LINGO2: variants seen among roughly 807,000 people sequenced by gnomAD.
LINGO2 encodes the protein leucine rich repeat and Ig domain containing 2, also known as leucine-rich repeat and immunoglobulin-like domain-containing nogo receptor-interacting protein 2.
Under a neutral mutation model 30.6 loss-of-function variants are expected in LINGO2, and 14 were observed. The observed-to-expected ratio is 0.46, with a 90% CI of 0.30 to 0.72. The LOEUF is 0.72. LINGO2 is among the 30% of genes least tolerant of loss of function. The pLI, the probability that LINGO2 is intolerant of heterozygous loss-of-function variation, is 0.07. For synonymous variants in LINGO2, 317 were observed against 288.5 expected (o/e 1.10, Z -1.00); for missense variants, 729 against 751.7 (o/e 0.97, Z 0.35).
At chr9:28,345,482 A>G (rs1451026082) in intron 3 of LINGO2, among the ~76,000 whole-genome samples, 2 of 152,150 alleles carry the variant, frequency 1.3e-5, no homozygotes, top group Non-Finnish European at 2.9e-5. Flanking sequence ...GCAGCTTTAT[A>G]TCAAACTAGC....
At chr9:28,659,435 T>C (rs916610201) in intron 1 of LINGO2, among the ~76,000 whole-genome samples, 3 of 152,000 alleles carry the variant, frequency 2.0e-5, no homozygotes, top group African/African-American at 4.8e-5. Context: ...AGCTGACTTA[T>C]ATACTTTTTT....
At chr9:29,027,041 T>C in the LINGO2 span, among the ~76,000 whole-genome samples, 1 of 152,328 alleles carries the variant, frequency 6.6e-6, no homozygotes, top group South Asian at 2.1e-4. Flanking sequence ...AAAGGTGAAA[T>C]GTTATTTCAC....
intron 4 of LINGO2, among the ~76,000 whole-genome samples, chr9:28,145,164 G>A (rs1400602643): frequency 6.6e-6 from 1 of 152,148 alleles, no homozygotes; most frequent in Admixed American, 6.5e-5. Flanking sequence ...AGTAAGAAAT[G>A]TTCTGCTCTT....
the LINGO2 span, among the ~76,000 whole-genome samples, chr9:28,739,636 A>C: frequency 6.6e-6 from 1 of 151,852 alleles, no homozygotes; most frequent in Admixed American, 6.6e-5. Flanking sequence ...TCTAATAAAT[A>C]ATATACCACT....
At chr9:28,064,429 G>C (rs531450801) in intron 4 of LINGO2, among the ~76,000 whole-genome samples, 2 of 152,134 alleles carry the variant, frequency 1.3e-5, no homozygotes, top group African/African-American at 2.4e-5. Context: ...CTGCATTGAC[G>C]AACCAGCTGG....
intron 2 of LINGO2, among the ~76,000 whole-genome samples, chr9:28,395,978 T>TA (rs1209701735): frequency 6.6e-6 from 1 of 152,226 alleles, no homozygotes; most frequent in East Asian, 1.9e-4. Context: ...TTGTCTTGGT[T>TA]AAAAAAATGT....
intron 3 of LINGO2, among the ~76,000 whole-genome samples, chr9:28,297,222 A>G (rs1270274202): frequency 6.6e-6 from 1 of 152,214 alleles, no homozygotes; most frequent in Non-Finnish European, 1.5e-5. Context: ...ATAAGTCAGT[A>G]TAACTACTTG....
At position 28,483,627 on chromosome 9, in the gene LINGO2, TG is replaced by T. The variant is rs1466358678; in HGVS notation, c.-364-7603del. Among the ~76,000 whole-genome samples the T allele has an allele frequency of 3.3e-5, 5 of 152,164 alleles. No homozygotes were observed. In the East Asian group the frequency reaches 9.7e-4, roughly 29 times the overall value. Reference sequence around the variant, plus strand: ...CAGGCCTTAAAATAACTGTTAAGTATGTACTTTCTATTGTAATCAAAGTGAG... The same window carrying T: ...CAGGCCTTAAAATAACTGTTAAGTATTACTTTCTATTGTAATCAAAGTGAG... On this transcript the variant is annotated intron_variant, in intron 1 of 5. Coordinates refer to ENST00000379992, the Ensembl canonical transcript of LINGO2.
At chr9:28,393,803 C>T (rs914724242) in intron 2 of LINGO2, among the ~76,000 whole-genome samples, 1 of 152,098 alleles carries the variant, frequency 6.6e-6, no homozygotes, top group Non-Finnish European at 1.5e-5. Context: ...TCAAAGGTGC[C>T]AGGGAATTAA....
chr9:28,131,424 A>C (rs961548741), intron 4 of LINGO2, among the ~76,000 whole-genome samples: 7 of 152,166 alleles, frequency 4.6e-5, no homozygotes, highest in Non-Finnish European at 1.0e-4. Flanking sequence ...TATCACTGGC[A>C]ATAAACTTAA....
At chr9:28,667,043 C>T (rs755515203) in intron 1 of LINGO2, among the ~76,000 whole-genome samples, 5 of 152,042 alleles carry the variant, frequency 3.3e-5, no homozygotes, top group African/African-American at 7.2e-5. Context: ...AGATCATCAA[C>T]GACTTATAGA....
chr9:28,506,485 C>CATATATAT (rs1491111372), intron 1 of LINGO2, among the ~76,000 whole-genome samples: 1,845 of 73,088 alleles, frequency 0.025, 354 homozygotes, highest in Non-Finnish European at 0.037. Flanking sequence ...CACACATACA[C>CATATATAT]ATACACACAC....
At chr9:29,042,103 T>C in the LINGO2 span, among the ~76,000 whole-genome samples, 1 of 152,118 alleles carries the variant, frequency 6.6e-6, no homozygotes, top group South Asian at 2.1e-4. Context: ...AATATTGCTA[T>C]ATATCTATCA....
At chr9:28,518,298 C>A (rs1820703987) in intron 1 of LINGO2, among the ~76,000 whole-genome samples, 1 of 152,148 alleles carries the variant, frequency 6.6e-6, no homozygotes. Context: ...TTCCTTTCCA[C>A]CATTCAATGA....
intron 1 of LINGO2, among the ~76,000 whole-genome samples, chr9:28,487,421 A>C (rs1826214699): frequency 6.6e-6 from 1 of 152,190 alleles, no homozygotes; most frequent in Non-Finnish European, 1.5e-5. Context: ...TTTAGAAACA[A>C]CTAAATAGAG....
intron 1 of LINGO2, among the ~76,000 whole-genome samples, chr9:28,493,545 G>A (rs1826483908): frequency 6.6e-6 from 1 of 152,076 alleles, no homozygotes; most frequent in African/African-American, 2.4e-5. Context: ...ATTAAAGTGG[G>A]TAAAAAGATA....
intron 1 of LINGO2, among the ~76,000 whole-genome samples, chr9:28,613,587 T>A (rs1260581144): frequency 6.6e-6 from 1 of 152,086 alleles, no homozygotes; most frequent in Non-Finnish European, 1.5e-5. Flanking sequence ...ACCTCTGCCG[T>A]ACTAGAATGT....
the LINGO2 span, among the ~76,000 whole-genome samples, chr9:29,046,180 T>G: frequency 6.6e-6 from 1 of 152,134 alleles, no homozygotes; most frequent in Non-Finnish European, 1.5e-5. Flanking sequence ...TGAATAGAAG[T>G]GGTGAGAGAA....
chr9:28,723,446 C>T, the LINGO2 span, among the ~76,000 whole-genome samples: 1 of 152,100 alleles, frequency 6.6e-6, no homozygotes. Flanking sequence ...TTAGAAACTA[C>T]TGCTTCAAGA....
Sources: gnomAD v4.1 joint callset for allele counts (sites outside exome capture counted in the v4.1 genomes callset) on GRCh38, gnomAD v4.1.1 for gene constraint, MANE v1.5 for transcripts, NCBI Gene and HGNC (gene_info 2026-07-23, HGNC 2026-07-21) for gene names.